Variants in NME9 observed in about 807,000 individuals in gnomAD.
NME9 encodes NME/NM23 family member 9.
Under a neutral mutation model 44.4 loss-of-function variants are expected in NME9, and 48 were observed. That is an observed-to-expected ratio of 1.08 (90% CI 0.86 to 1.37). The LOEUF is 1.37. Among genes scored for constraint, NME9 ranks in the 40% most tolerant of loss-of-function variants. The probability of loss-of-function intolerance (pLI) is 0.00; values close to 1 mark genes in which losing one functional copy is unlikely to be tolerated. For missense variants in NME9, 325 were observed against 405.2 expected (o/e 0.80, Z 1.70); for synonymous variants, 139 against 147.1 (o/e 0.94, Z 0.40).
Position 138,319,555 on chromosome 3 carries a change from C to A in NME9, c.118G>T (p.Gly40Cys), listed in dbSNP as rs2053328565. The change falls in exon 3 of 11, where the codon GGC becomes TGC. Residue 40 changes from glycine (G) to cysteine (C), a missense_variant. Coordinates refer to ENST00000333911, the MANE Select transcript of NME9 (RefSeq NM_001349018.2). Reference sequence around the variant, plus strand: ...AGGCTCACCACAGGTTTGCAGGGGCCACACCAGCCTTGATAGACATCAACA... The same window carrying A: ...AGGCTCACCACAGGTTTGCAGGGGCAACACCAGCCTTGATAGACATCAACA... ...TVVDVYQGWCGPCKPVVSLFQ... is the reference protein window; with the variant it reads ...TVVDVYQGWCCPCKPVVSLFQ... 6.2e-7 allele frequency: 1 copy of A among 1,612,826 alleles called. No individual in the cohort carries two copies. The highest frequency in any genetic ancestry group is 1.1e-5 in the South Asian group (1 of 91,054).
At chr3:138,311,224 C>A (rs769152116) in intron 6 of NME9, among the ~76,000 whole-genome samples, 7 of 152,092 alleles carry the variant, frequency 4.6e-5, no homozygotes, top group Non-Finnish European at 4.4e-5. Flanking sequence ...AAACCAATAA[C>A]AAATAACAAG....
intron 8 of NME9, among the ~76,000 whole-genome samples, chr3:138,288,720 C>T (rs541903649): frequency 1.3e-5 from 2 of 151,092 alleles, no homozygotes; most frequent in East Asian, 3.9e-4. Context: ...TCACTGCAAC[C>T]TCTGCCTCCC....
intron 8 of NME9, among the ~76,000 whole-genome samples, chr3:138,270,809 C>T (rs892730727): frequency 6.6e-6 from 1 of 151,938 alleles, no homozygotes; most frequent in Non-Finnish European, 1.5e-5. Flanking sequence ...GGTTAGAGAA[C>T]CATTTCTCCT....
chr3:138,280,913 C>G (rs1425384717), intron 8 of NME9, among the ~76,000 whole-genome samples: 1 of 152,220 alleles, frequency 6.6e-6, no homozygotes. Context: ...CAGGCATCAG[C>G]CACCGCACCC....
intron 8 of NME9, chr3:138,284,532 C>A: frequency 6.3e-7 from 1 of 1,583,298 alleles, no homozygotes; most frequent in Non-Finnish European, 8.7e-7. Context: ...ACATGGTGAG[C>A]CCTTGTCCCC....
intron 8 of NME9, among the ~76,000 whole-genome samples, chr3:138,279,930 A>G (rs1297528318): frequency 6.6e-6 from 1 of 151,326 alleles, no homozygotes; most frequent in African/African-American, 2.4e-5. Context: ...TTGGAGACAG[A>G]GTCTCGCTGT....
rs752959565 is a variant in NME9 at position 138,306,831 on chromosome 3, T to C, written c.461-351A>G. Among the ~76,000 whole-genome samples the C allele has an allele frequency of 2.6e-5, 4 of 152,060 alleles. No individual in the cohort carries two copies. The South Asian group carries it at 8.3e-4, about 31-fold the overall frequency. ...GACCAGAAATCCAGAAACAACTGAA[T>C]TGAGTTGGCCTGGGGAGTGGGAAGA... is the stretch of plus-strand genomic sequence containing the variant. On this transcript the variant is annotated intron_variant, in intron 6 of 10. Coordinates refer to ENST00000333911, the MANE Select transcript of NME9 (RefSeq NM_001349018.2).
chr3:138,262,470 GT>G, exon 9 of NME9: 1 of 1,541,844 alleles, frequency 6.5e-7, no homozygotes, highest in African/African-American at 1.4e-5. Context: ...TTCTCTTCTT[GT>G]TTGGCTGAAA....
At chr3:138,270,000 C>A (rs1475308217) in intron 8 of NME9, 1 of 1,439,098 alleles carries the variant, frequency 6.9e-7, no homozygotes, top group Non-Finnish European at 9.8e-7. Context: ...GCAAACTGGA[C>A]TTTAAAGCTG....
intron 8 of NME9, among the ~76,000 whole-genome samples, chr3:138,283,527 AGGGAGT>A (rs1421126392): frequency 2.0e-5 from 3 of 152,190 alleles, no homozygotes; most frequent in Non-Finnish European, 4.4e-5. Flanking sequence ...CTTCAAAGTC[AGGGAGT>A]GTGTTTTTTT....
intron 8 of NME9, chr3:138,262,592 G>GA: frequency 6.4e-7 from 1 of 1,574,382 alleles, no homozygotes; most frequent in Admixed American, 1.9e-5. Context: ...CTCACCTGAG[G>GA]AGATTAAAAA....
intron 2 of NME9, among the ~76,000 whole-genome samples, chr3:138,320,895 G>A (rs1264244858): frequency 6.6e-6 from 1 of 152,210 alleles, no homozygotes; most frequent in Non-Finnish European, 1.5e-5. Flanking sequence ...TGAATCACTA[G>A]GCAATGAGGA....
chr3:138,285,401 T>TCATATCCC lies in NME9; in HGVS notation c.745+18098_745+18105dup, dbSNP rs1380098849. Among the ~76,000 whole-genome samples the TCATATCCC allele has an allele frequency of 3.3e-5, 5 of 152,184 alleles. 1 individual carries two copies. Among genetic ancestry groups the TCATATCCC allele is most frequent in the Admixed American group, 2.6e-4 (4 of 15,282 alleles). ...TCAAGTCCTACGTGACCTAACCCAT[T>TCATATCCC]CATATCCCCAACTTATCTTATTCCT... On this transcript the variant is annotated intron_variant, in intron 8 of 8. Transcript: ENST00000317876.
chr3:138,313,019 A>G (rs963960920), intron 6 of NME9, among the ~76,000 whole-genome samples: 4 of 152,236 alleles, frequency 2.6e-5, no homozygotes, highest in African/African-American at 9.6e-5. Context: ...GCTCAATATC[A>G]CTAATCATCA....
In NME9 at chr3:138,304,214, C is replaced by T. The variant is rs560683348; in HGVS notation, c.792-571G>A. ...GATCTGAATCCTGAGCTGGCTTTCA[C>T]TAGCCCAGCCTGCCTCATATATAAA... On this transcript the variant is annotated intron_variant, in intron 9 of 10. Transcript: ENST00000333911. Among the ~76,000 whole-genome samples, 12 of 152,350 alleles carry T rather than the reference C, an allele frequency of 7.9e-5. No individual in the cohort carries two copies. The East Asian group carries it at 2.3e-3, about 29-fold the overall frequency.
chr3:138,318,351 A>G (rs1000651760), intron 3 of NME9, 132 bp from the exon 4 acceptor site: 20 of 686,944 alleles, frequency 2.9e-5, no homozygotes, highest in Non-Finnish European at 4.5e-5. Flanking sequence ...ATTTGCTCTC[A>G]TGCTGTTCCT....
At chr3:138,287,503 G>T in intron 8 of NME9, 59 of 327,282 alleles carry the variant, frequency 1.8e-4, no homozygotes, top group Non-Finnish European at 2.6e-4. Context: ...AAAAAATATT[G>T]AATGATGAAT....
At chr3:138,303,239 G>T (rs1043594096) in intron 10 of NME9, 4 of 340,302 alleles carry the variant, frequency 1.2e-5, no homozygotes, top group African/African-American at 8.1e-5. Flanking sequence ...TGCAAATAAA[G>T]TACTTTTTGT....
intron 8 of NME9, chr3:138,287,539 T>C: frequency 2.4e-6 from 1 of 418,960 alleles, no homozygotes; most frequent in Non-Finnish European, 4.9e-6. Flanking sequence ...AAATGCATAT[T>C]TGTTATAGTA....
Sources: allele counts gnomAD v4.1 joint callset (sites outside exome capture counted in the v4.1 genomes callset), GRCh38; gene constraint gnomAD v4.1.1; transcripts MANE v1.5; gene names NCBI Gene and HGNC (gene_info 2026-07-23, HGNC 2026-07-21).